CEP43: variants seen among roughly 807,000 people sequenced by gnomAD.
CEP43 encodes the protein FGFR1 oncogene partner.
In CEP43, 36 loss-of-function variants were observed where a neutral mutation model predicts 52.6. The observed-to-expected ratio is 0.68, with a 90% confidence interval of 0.52 to 0.90. The LOEUF is 0.90. Among genes scored for constraint, CEP43 ranks in the 40% least tolerant of loss-of-function variants. CEP43 has a pLI of 0.00. For synonymous variants in CEP43, 192 were observed against 172.4 expected, an observed-to-expected ratio of 1.11 and a Z score of -0.89; for missense variants, 506 against 472.8, an observed-to-expected ratio of 1.07 and a Z score of -0.65.
At chr6:167,000,529 A>C (rs2128656221) in intron 2 of CEP43, among the ~76,000 whole-genome samples, 1 of 152,316 alleles carries the variant, frequency 6.6e-6, no homozygotes, top group Admixed American at 6.5e-5. Flanking sequence ...AAAGACAGCG[A>C]TTATTTTAAA....
intron 9 of CEP43, among the ~76,000 whole-genome samples, chr6:167,026,163 G>A (rs566025977): frequency 2.0e-5 from 3 of 152,336 alleles, no homozygotes; most frequent in East Asian, 1.9e-4. Flanking sequence ...AGGAGTTCGA[G>A]ACCAGCCTAT....
chr6:167,016,492 G>T, intron 7 of CEP43, among the ~76,000 whole-genome samples: 1 of 152,174 alleles, frequency 6.6e-6, no homozygotes, highest in Non-Finnish European at 1.5e-5. Context: ...CAACTGTGGG[G>T]CTCAAGTGAT....
At chr6:167,026,178 CAT>C (rs1780351422) in intron 9 of CEP43, among the ~76,000 whole-genome samples, 1 of 152,176 alleles carries the variant, frequency 6.6e-6, no homozygotes, top group Non-Finnish European at 1.5e-5. Flanking sequence ...GCCTATCCAA[CAT>C]AGGGAAACCC....
chr6:167,034,350 G>A (rs766228914), intron 12 of CEP43, among the ~76,000 whole-genome samples: 3 of 152,194 alleles, frequency 2.0e-5, no homozygotes, highest in Non-Finnish European at 4.4e-5. Context: ...TGCAGAGAGT[G>A]TGGTCATCTT....
At position 167,001,950 on chromosome 6, in the gene CEP43, TCC is replaced by T. The variant is rs528440145; in HGVS notation, c.157-1241_157-1240del. Reference sequence around the variant, plus strand: ...ATTCTCTTAAAATATTTCAGTTGACTCCCTATCTTAGAATTCCCTGAACCAGC... The same window carrying T: ...ATTCTCTTAAAATATTTCAGTTGACTCTATCTTAGAATTCCCTGAACCAGC... On this transcript the variant is annotated intron_variant, in intron 2 of 12. Coordinates refer to ENST00000366847, the MANE Select transcript of CEP43 (RefSeq NM_007045.4). 2.9e-3 allele frequency among the ~76,000 whole-genome samples: 434 copies of T among 152,264 alleles called. 3 individuals carry two copies. The highest frequency in any genetic ancestry group is 0.01 in the African/African-American group (422 of 41,554).
chr6:167,002,078 A>G (rs984980196), intron 2 of CEP43, among the ~76,000 whole-genome samples: 2 of 152,192 alleles, frequency 1.3e-5, no homozygotes, highest in Non-Finnish European at 2.9e-5. Context: ...TTTAATATGT[A>G]CAATTTGATT....
chr6:167,004,730 G>A (rs1779813281), intron 5 of CEP43, among the ~76,000 whole-genome samples: 1 of 139,758 alleles, frequency 7.2e-6, no homozygotes, highest in Admixed American at 7.5e-5. Context: ...GCTCTACCAG[G>A]CCCTACCTTG....
In CEP43 at chr6:167,040,100, A is replaced by G; in HGVS notation, c.*122A>G. The G allele has an allele frequency of 1.3e-6, 2 of 1,599,322 alleles. No individual in the cohort carries two copies. The highest frequency in any genetic ancestry group is 1.7e-6 in the Non-Finnish European group (2 of 1,171,912). On this transcript the variant is annotated 3_prime_UTR_variant, in exon 13 of 13. Transcript: ENST00000366847. ...TCTATTGGTGCCTTGCATTTCAAAAACACTGCAGATATTTTTTAAAAGTAA... is the reference window on the plus strand; with the variant it reads ...TCTATTGGTGCCTTGCATTTCAAAAGCACTGCAGATATTTTTTAAAAGTAA...
chr6:167,038,855 A>G (rs903255680), intron 12 of CEP43, among the ~76,000 whole-genome samples: 1 of 152,134 alleles, frequency 6.6e-6, no homozygotes, highest in African/African-American at 2.4e-5. Context: ...TGGTTGCATG[A>G]ATGAGTTCTT....
rs1779672709 is a variant in CEP43 at position 166,999,451 on chromosome 6, C to T, written c.39C>T (p.Asp13=). 2 of 1,484,102 alleles carry T rather than the reference C, an allele frequency of 1.3e-6. No homozygotes were observed. The highest frequency in any genetic ancestry group is 1.8e-6 in the Non-Finnish European group (2 of 1,115,082). The allele number at this position is 1,484,102 out of a possible 1,614,324, so 91.9% of individuals were successfully genotyped here. A position where few individuals can be genotyped will look rare whatever the true frequency, so the allele number is the denominator to read the frequency against. Residue 13 remains aspartate, a synonymous_variant, in exon 1 of 13, where the codon GAC becomes GAT. Transcript: ENST00000366847. ...ATAAAVVAEE[D]TELRDLLVQT... Reference sequence around the variant, plus strand: ...CGGCCGCAGTGGTGGCCGAGGAGGACACGGAGCTGCGGGACCTGCTGGTGC... The same window carrying T: ...CGGCCGCAGTGGTGGCCGAGGAGGATACGGAGCTGCGGGACCTGCTGGTGC...
chr6:166,999,621 GGGCC>G (rs1779678103), intron 1 of CEP43, 107 bp downstream of exon 1: 2 of 805,332 alleles, frequency 2.5e-6, no homozygotes, highest in Non-Finnish European at 3.5e-6. Flanking sequence ...CGAGGGACCG[GGGCC>G]GGCGGGCACT....
Position 167,040,562 on chromosome 6 carries a change from T to C in CEP43, c.*584T>C. On this transcript the variant is annotated 3_prime_UTR_variant, in exon 13 of 13. Coordinates refer to ENST00000366847, the MANE Select transcript of CEP43 (RefSeq NM_007045.4). ...TTAGACCATTAAGGTTATATTAAAGTACTCTTGTGTGTGCTATTTAGTTTT... is the reference window on the plus strand; with the variant it reads ...TTAGACCATTAAGGTTATATTAAAGCACTCTTGTGTGTGCTATTTAGTTTT... The C allele has an allele frequency of 9.3e-7, 1 of 1,076,280 alleles. No individual in the cohort carries two copies. Among genetic ancestry groups the C allele is most frequent in the Admixed American group, 4.7e-5 (1 of 21,398 alleles). 66.7% of individuals were successfully genotyped at this position (1,076,280 alleles called of 1,614,324 possible).
intron 5 of CEP43, among the ~76,000 whole-genome samples, chr6:167,009,418 G>C (rs1779929212): frequency 6.8e-6 from 1 of 146,092 alleles, no homozygotes; most frequent in African/African-American, 2.6e-5. Flanking sequence ...GGCGAGGCAG[G>C]AGAATTGCTT....
chr6:166,999,934 G>C, intron 1 of CEP43, 126 bp from the exon 2 acceptor site: 1 of 719,264 alleles, frequency 1.4e-6, no homozygotes, highest in East Asian at 2.7e-5. Context: ...TTCGGAAGGC[G>C]TTTCTGACCT....
chr6:167,005,528 C>G (rs1316096527), intron 5 of CEP43, among the ~76,000 whole-genome samples: 1 of 152,124 alleles, frequency 6.6e-6, no homozygotes, highest in East Asian at 1.9e-4. Context: ...AAGGGCTTTC[C>G]GAGAAGTTGG....
intron 7 of CEP43, among the ~76,000 whole-genome samples, chr6:167,013,992 A>G (rs1181711633): frequency 6.6e-6 from 1 of 152,190 alleles, no homozygotes; most frequent in African/African-American, 2.4e-5. Flanking sequence ...AAAAGTAACG[A>G]TGGCATGAAA....
chr6:167,016,989 TA>T (rs1430863123), intron 7 of CEP43, among the ~76,000 whole-genome samples: 3 of 148,974 alleles, frequency 2.0e-5, no homozygotes, highest in South Asian at 2.2e-4. Context: ...ATTATTTATT[TA>T]TTTTTTTTTT....
chr6:167,044,531 G>A lies in CEP43; in HGVS notation c.*4553G>A, dbSNP rs1780762726. The A allele has an allele frequency of 5.1e-6, 5 of 985,326 alleles. No individual in the cohort carries two copies. The highest frequency in any genetic ancestry group is 4.7e-5 in the South Asian group (1 of 21,290). The allele number at this position is 985,326 out of a possible 1,614,324, so 61.0% of individuals were successfully genotyped here. On this transcript the variant is annotated 3_prime_UTR_variant, in exon 13 of 13. Transcript: ENST00000366847. ...GTTCAAGGAAACCTGGGTGTGCACC[G>A]GGTGAATGAGAGTGGCAGACAGAAG...
At chr6:167,011,944 A>G (rs1317581416) in intron 6 of CEP43, among the ~76,000 whole-genome samples, 1 of 152,188 alleles carries the variant, frequency 6.6e-6, no homozygotes, top group Non-Finnish European at 1.5e-5. Flanking sequence ...GGGTTTGTGG[A>G]CTACACAAAC....
Sources: allele counts gnomAD v4.1 joint callset (sites outside exome capture counted in the v4.1 genomes callset), GRCh38; gene constraint gnomAD v4.1.1; transcripts MANE v1.5; gene names NCBI Gene and HGNC (gene_info 2026-07-23, HGNC 2026-07-21).